Variants in EXOSC10 observed in about 807,000 individuals in gnomAD.
The protein encoded by EXOSC10 is exosome component 10, also known as exosome complex component 10.
A neutral mutation model predicts 126.6 loss-of-function variants in EXOSC10; 94 were observed. That is an observed-to-expected ratio of 0.74 (90% CI 0.63 to 0.88). The LOEUF is 0.88. EXOSC10 is among the 40% of genes least tolerant of loss of function. The pLI, the probability that EXOSC10 is intolerant of heterozygous loss-of-function variation, is 0.00. For synonymous variants in EXOSC10, 395 were observed against 400.8 expected (o/e 0.99, Z 0.17); for missense variants, 1,041 against 1,100.5 (o/e 0.95, Z 0.77).
At chr1:11,075,348 G>A (rs1049418715) in intron 17 of EXOSC10, among the ~76,000 whole-genome samples, 1 of 152,124 alleles carries the variant, frequency 6.6e-6, no homozygotes, top group African/African-American at 2.4e-5. Context: ...TCTTTATAGG[G>A]AATCATTGAA....
At chr1:11,082,338 C>T (rs1323154757) in intron 10 of EXOSC10, among the ~76,000 whole-genome samples, 3 of 152,128 alleles carry the variant, frequency 2.0e-5, no homozygotes, top group South Asian at 4.1e-4. Context: ...CACACACACA[C>T]ACACACACAA....
At position 11,075,777 on chromosome 1, in the gene EXOSC10, C is replaced by T. The variant is rs538071845; in HGVS notation, c.1986+1065G>A. The stretch of plus-strand genomic sequence containing the variant: ...GCTGGGGCAGAGGGATTGCTTGAGC[C>T]CAGGAGGCAGAGGTTGCAGTGAGCC... On this transcript the variant is annotated intron_variant, in intron 17 of 24. Transcript: ENST00000376936. Among the ~76,000 whole-genome samples the T allele has an allele frequency of 1.6e-3, 228 of 144,460 alleles. 2 individuals carry two copies. The highest frequency in any genetic ancestry group is 5.0e-3 in the South Asian group (23 of 4,630). The allele number at this position is 144,460 out of a possible 152,430, so 94.8% of individuals were successfully genotyped here. A position where few individuals can be genotyped will look rare whatever the true frequency, so the allele number is the denominator to read the frequency against.
intron 24 of EXOSC10, among the ~76,000 whole-genome samples, 198 bp downstream of exon 24, chr1:11,067,810 A>G (rs1209886387): frequency 6.6e-6 from 1 of 152,122 alleles, no homozygotes; most frequent in African/African-American, 2.4e-5. Context: ...TGGCTCTGTG[A>G]TGTATGGCAC....
chr1:11,068,130 C>T, intron 23 of EXOSC10, 46 bp from the exon 24 acceptor site: 1 of 1,516,886 alleles, frequency 6.6e-7, no homozygotes, highest in South Asian at 1.1e-5. Context: ...ACCTTGACCA[C>T]AAGATACACA....
intron 17 of EXOSC10, among the ~76,000 whole-genome samples, chr1:11,074,721 A>T (rs1195743973): frequency 6.6e-6 from 1 of 152,144 alleles, no homozygotes; most frequent in African/African-American, 2.4e-5. Flanking sequence ...CCGGCCAGTA[A>T]CAGTGATATT....
chr1:11,076,853 T>C lies in EXOSC10; in HGVS notation c.1975A>G (p.Thr659Ala), dbSNP rs374057128. The C allele has an allele frequency of 6.2e-7, 1 of 1,612,716 alleles. No individual in the cohort carries two copies. Among genetic ancestry groups the C allele is most frequent in the South Asian group, 1.1e-5 (1 of 91,078 alleles). ...TTCLIATAVI[T>A]LFNEPSAEDS... is the part of the protein sequence containing the mutation. Reference sequence around the variant, plus strand: ...TCTGTGCTACTCACATTAAATAACGTGATGACAGCTGTGGCAATCAGGCAT... The same window carrying C: ...TCTGTGCTACTCACATTAAATAACGCGATGACAGCTGTGGCAATCAGGCAT... Residue 659 changes from threonine to alanine, a missense_variant, in exon 17 of 25, where the codon ACG (threonine) becomes GCG (alanine). Physicochemically the swap from Thr to Ala is moderately conservative, Grantham distance 58. This residue lies in a region of EXOSC10 where 388 missense variants were observed against 415.2 expected (regional missense o/e 0.93). Coordinates refer to ENST00000376936, the MANE Select transcript of EXOSC10 (RefSeq NM_001001998.3).
chr1:11,071,609 C>CT (rs151146364), intron 20 of EXOSC10: 5 of 105,176 alleles, frequency 4.8e-5, no homozygotes, highest in Admixed American at 9.6e-5. Context: ...TCACTTCCCC[C>CT]CGTCTGCTCA....
At position 11,074,294 on chromosome 1, in the gene EXOSC10, T is replaced by C. The variant is rs372674916; in HGVS notation, c.2019A>G (p.Pro673=). The change falls in exon 18 of 25, where the codon CCA becomes CCG. Residue 673 remains proline, a synonymous_variant. Coordinates refer to ENST00000376936, the MANE Select transcript of EXOSC10 (RefSeq NM_001001998.3). ...EPSAEDSKKG[P]LTVAQKKAQN... Reference sequence around the variant, plus strand: ...GGGCTTTTTTCTGTGCAACTGTCAATGGACCCTTTTTACTGTCTTCAGCAC... The same window carrying C: ...GGGCTTTTTTCTGTGCAACTGTCAACGGACCCTTTTTACTGTCTTCAGCAC... 309 of 1,614,064 alleles carry C rather than the reference T, an allele frequency of 1.9e-4. No homozygotes were observed. The highest frequency in any genetic ancestry group is 2.6e-4 in the Non-Finnish European group (302 of 1,180,020).
Position 11,091,118 on chromosome 1 carries a change from A to G in EXOSC10, c.539T>C (p.Ile180Thr), listed in dbSNP as rs762812936. The change falls in exon 5 of 25, where the codon ATC becomes ACC. Residue 180 changes from isoleucine to threonine, a missense_variant. Physicochemically the swap from Ile to Thr is moderately conservative, Grantham distance 89 (BLOSUM62 -1). Around this residue, in one of 3 missense-constraint regions of EXOSC10, gnomAD observed 645 missense variants for 656.3 expected, o/e 0.98. Coordinates refer to ENST00000376936, the MANE Select transcript of EXOSC10 (RefSeq NM_001001998.3). ...ETFRLLHAKNIIRPQLKFREK... is the reference protein window; with the variant it reads ...ETFRLLHAKNTIRPQLKFREK... ...TCGAAACTTGAGCTGAGGTCGGATGATATTTTTTGCATGAAGCAGCCGGAA... is the reference window on the plus strand; with the variant it reads ...TCGAAACTTGAGCTGAGGTCGGATGGTATTTTTTGCATGAAGCAGCCGGAA... 2 of 1,614,170 alleles carry G rather than the reference A, an allele frequency of 1.2e-6. No homozygotes were observed. Among genetic ancestry groups the G allele is most frequent in the Admixed American group, 1.7e-5 (1 of 60,022 alleles).
intron 9 of EXOSC10, among the ~76,000 whole-genome samples, chr1:11,084,760 C>G (rs1419894128): frequency 6.6e-6 from 1 of 152,142 alleles, no homozygotes; most frequent in Non-Finnish European, 1.5e-5. Flanking sequence ...GGTTTTAGGT[C>G]TAACGTTGTT....
chr1:11,090,671 G>A lies in EXOSC10; in HGVS notation c.644-3C>T, dbSNP rs766224583. The A allele has an allele frequency of 4.4e-6, 7 of 1,598,834 alleles. No homozygotes were observed. The South Asian group carries it at 7.8e-5, about 18-fold the overall frequency. ...TTCCCGCCTTTCCTTAGAGAGAGCT[G>A]GGGATCCCAGCAGTGACAAAAACAT... is the stretch of plus-strand genomic sequence containing the variant. On this transcript the variant is annotated splice_region_variant and splice_polypyrimidine_tract_variant and intron_variant, in intron 5 of 24. Coordinates refer to ENST00000376936, the MANE Select transcript of EXOSC10 (RefSeq NM_001001998.3).
intron 18 of EXOSC10, 109 bp downstream of exon 18, chr1:11,074,122 A>T: frequency 7.2e-7 from 1 of 1,380,228 alleles, no homozygotes; most frequent in Non-Finnish European, 1.0e-6. Context: ...TTGCCAGGAC[A>T]CCAGGGCAGC....
chr1:11,091,047 T>A lies in EXOSC10; in HGVS notation c.610A>T (p.Ile204Phe). The A allele has an allele frequency of 6.2e-7, 1 of 1,614,204 alleles. No individual in the cohort carries two copies. Among genetic ancestry groups the A allele is most frequent in the Non-Finnish European group, 8.5e-7 (1 of 1,180,034 alleles). ...SNTPFLPKIFIKPNAQKPLPQ... is the reference protein window; with the variant it reads ...SNTPFLPKIFFKPNAQKPLPQ... ...AGAGGTTTCTGAGCATTGGGTTTGA[T>A]GAAGATTTTAGGAAGAAATGGTGTG... is the stretch of plus-strand genomic sequence containing the variant. Residue 204 changes from isoleucine (I) to phenylalanine (F), a missense_variant, in exon 5 of 25, where the codon ATC becomes TTC. Coordinates refer to ENST00000376936, the MANE Select transcript of EXOSC10 (RefSeq NM_001001998.3).
chr1:11,066,973 C>G (rs1194148573), intron 24 of EXOSC10, among the ~76,000 whole-genome samples: 1 of 152,164 alleles, frequency 6.6e-6, no homozygotes, highest in African/African-American at 2.4e-5. Context: ...ACCTCAGGGT[C>G]GGCTTAATTA....
chr1:11,091,566 T>C lies in EXOSC10; in HGVS notation c.404A>G (p.Asn135Ser). 5 of 1,614,152 alleles carry C rather than the reference T, an allele frequency of 3.1e-6. No individual in the cohort carries two copies. Among genetic ancestry groups the C allele is most frequent in the Non-Finnish European group, 4.2e-6 (5 of 1,180,008 alleles). Residue 135 changes from asparagine (N) to serine (S), a missense_variant, in exon 4 of 25, where the codon AAC becomes AGC. By Grantham distance (46) the Asn-to-Ser change is conservative (BLOSUM62 1). Around this residue, in one of 3 missense-constraint regions of EXOSC10, gnomAD observed 645 missense variants for 656.3 expected, o/e 0.98. Transcript: ENST00000376936. ...GILLDEASGVNKNQQPVLPAG... is the reference protein window; with the variant it reads ...GILLDEASGVSKNQQPVLPAG... ...AGGGAGGACAGGCTGTTGATTCTTGTTTACACCTGAGGCTTCATCCAGTAA... is the reference window on the plus strand; with the variant it reads ...AGGGAGGACAGGCTGTTGATTCTTGCTTACACCTGAGGCTTCATCCAGTAA...
At position 11,082,731 on chromosome 1, in the gene EXOSC10, C is replaced by G; in HGVS notation, c.1237G>C (p.Val413Leu). ...LDHLLKLYCN[V>L]DSNKQYQLAD... Reference sequence around the variant, plus strand: ...AGCTGATATTGCTTGTTTGAGTCCACGTTGCAGTAGAGTTTCAGGAGATGA... The same window carrying G: ...AGCTGATATTGCTTGTTTGAGTCCAGGTTGCAGTAGAGTTTCAGGAGATGA... Residue 413 changes from valine (V) to leucine (L), a missense_variant, in exon 10 of 25, where the codon GTG (valine) becomes CTG (leucine). Coordinates refer to ENST00000376936, the MANE Select transcript of EXOSC10 (RefSeq NM_001001998.3). 7 of 1,614,184 alleles carry G rather than the reference C, an allele frequency of 4.3e-6. No homozygotes were observed. The highest frequency in any genetic ancestry group is 5.9e-6 in the Non-Finnish European group (7 of 1,180,032).
At chr1:11,068,146 A>G in intron 23 of EXOSC10, 62 bp from the exon 24 acceptor site, 1 of 1,371,894 alleles carries the variant, frequency 7.3e-7, no homozygotes, top group South Asian at 1.2e-5. Context: ...ACACAGAAAA[A>G]CACACCTGAG....
rs760571890 is a variant in EXOSC10 at position 11,080,553 on chromosome 1, GAAAAAA to G, written c.1587-10_1587-5del. ...CATGTGGTTTGGCAGTACATATCTGGAAAAAAAAAAACACACACACACACACACACA... is the reference window on the plus strand; with the variant it reads ...CATGTGGTTTGGCAGTACATATCTGGAAAAACACACACACACACACACACA... On this transcript the variant is annotated splice_region_variant and splice_polypyrimidine_tract_variant and intron_variant, in intron 12 of 24. Coordinates refer to ENST00000376936, the MANE Select transcript of EXOSC10 (RefSeq NM_001001998.3). The G allele has an allele frequency of 1.8e-5, 27 of 1,477,698 alleles. No homozygotes were observed. Among genetic ancestry groups the G allele is most frequent in the Non-Finnish European group, 2.3e-5 (25 of 1,088,044 alleles). 91.5% of individuals were successfully genotyped at this position (1,477,698 alleles called of 1,614,324 possible). A position where few individuals can be genotyped will look rare whatever the true frequency, so the allele number is the denominator to read the frequency against.
chr1:11,076,358 A>T (rs1639817081), intron 17 of EXOSC10, among the ~76,000 whole-genome samples: 1 of 152,112 alleles, frequency 6.6e-6, no homozygotes, highest in Non-Finnish European at 1.5e-5. Context: ...AAAAAAAAAA[A>T]ATCATTTCTC....
Sources: gnomAD v4.1 joint callset for allele counts (sites outside exome capture counted in the v4.1 genomes callset) on GRCh38, gnomAD v4.1.1 for gene constraint, gnomAD v4.1.1 regional missense constraint, MANE v1.5 for transcripts, NCBI Gene and HGNC (gene_info 2026-07-23, HGNC 2026-07-21) for gene names.